Variants in ZFYVE9 observed in about 807,000 individuals in gnomAD.
ZFYVE9 encodes the protein zinc finger FYVE domain-containing protein 9.
ZFYVE9 carries 43 observed loss-of-function variants against 126.7 expected under a neutral mutation model. That is an observed-to-expected ratio of 0.34 (90% CI 0.27 to 0.44). The LOEUF (loss-of-function observed/expected upper bound fraction) is 0.44, where lower values mean the gene tolerates loss of function less well. Among genes scored for constraint, ZFYVE9 ranks in the 20% least tolerant of loss-of-function variants. The probability of loss-of-function intolerance (pLI) is 1.00; values close to 1 mark genes in which losing one functional copy is unlikely to be tolerated. For synonymous variants in ZFYVE9, 521 were observed against 597.4 expected (o/e 0.87, Z 1.87); for missense variants, 1,476 against 1,697.0 (o/e 0.87, Z 2.29).
intron 1 of ZFYVE9, among the ~76,000 whole-genome samples, chr1:52,147,366 A>G (rs1644314881): frequency 6.6e-6 from 1 of 152,160 alleles, no homozygotes; most frequent in South Asian, 2.1e-4. Context: ...AATCACTCCA[A>G]AGAGAAACTT....
intron 11 of ZFYVE9, among the ~76,000 whole-genome samples, chr1:52,295,072 G>A (rs1460269857): frequency 6.6e-6 from 1 of 152,162 alleles, no homozygotes; most frequent in Non-Finnish European, 1.5e-5. Flanking sequence ...GCTGGGTATG[G>A]TGGCGCATGC....
intron 16 of ZFYVE9, 62 bp downstream of exon 16, chr1:52,337,996 C>T (rs921862358): frequency 6.5e-7 from 1 of 1,544,412 alleles, no homozygotes; most frequent in African/African-American, 1.4e-5. Flanking sequence ...TGGGTTTTGT[C>T]TGCTGTCTAC....
chr1:52,345,058 C>A, intron 18 of ZFYVE9, 114 bp downstream of exon 18: 1 of 1,166,164 alleles, frequency 8.6e-7, no homozygotes, highest in Non-Finnish European at 1.2e-6. Flanking sequence ...TCTGGCCTGA[C>A]TGGATATAGT....
At chr1:52,296,967 C>T (rs72895950) in intron 12 of ZFYVE9, among the ~76,000 whole-genome samples, 1,853 of 152,260 alleles carry the variant, frequency 0.012, 25 homozygotes, top group African/African-American at 0.04. Flanking sequence ...CTACCACACC[C>T]AGCTAATTTT....
intron 1 of ZFYVE9, among the ~76,000 whole-genome samples, chr1:52,148,281 C>G (rs979132960): frequency 6.6e-6 from 1 of 151,850 alleles, no homozygotes; most frequent in African/African-American, 2.4e-5. Context: ...TCGAGACCAG[C>G]CTGGCCAATA....
At chr1:52,292,469 C>CTTTTT (rs1159852399) in intron 10 of ZFYVE9, among the ~76,000 whole-genome samples, 199 of 101,882 alleles carry the variant, frequency 2.0e-3, no homozygotes, top group Non-Finnish European at 2.6e-3. Context: ...CTGAACATTT[C>CTTTTT]TTTTTTTTTT....
intron 1 of ZFYVE9, among the ~76,000 whole-genome samples, chr1:52,161,490 T>C (rs2764561): frequency 0.97 from 147,737 of 152,242 alleles, 71,698 homozygotes; most frequent in East Asian, 1. Context: ...AGGGTTTTGC[T>C]ATGTTGCCCA....
At chr1:52,276,558 A>G (rs1569651152) in intron 8 of ZFYVE9, among the ~76,000 whole-genome samples, 1 of 152,224 alleles carries the variant, frequency 6.6e-6, no homozygotes, top group South Asian at 2.1e-4. Context: ...GTTAGATATC[A>G]TACCTGTAAG....
At chr1:52,344,578 C>G (rs1412762335) in intron 17 of ZFYVE9, among the ~76,000 whole-genome samples, 190 bp from the exon 18 acceptor site, 1 of 151,928 alleles carries the variant, frequency 6.6e-6, no homozygotes. Context: ...GATGGAGAGA[C>G]AGGGATTGTT....
chr1:52,311,831 C>T (rs1220390586), intron 13 of ZFYVE9, among the ~76,000 whole-genome samples: 1 of 151,874 alleles, frequency 6.6e-6, no homozygotes, highest in African/African-American at 2.4e-5. Flanking sequence ...CACTCCATCG[C>T]CCAGGCTGGA....
chr1:52,331,772 TC>T (rs1646343439), intron 13 of ZFYVE9, among the ~76,000 whole-genome samples: 2 of 143,306 alleles, frequency 1.4e-5, no homozygotes, highest in Admixed American at 1.4e-4. Context: ...GGTGTCAAAC[TC>T]TTTTTTTTTT....
At chr1:52,293,799 T>A (rs1645948094) in intron 11 of ZFYVE9, 122 bp downstream of exon 11, 3 of 966,986 alleles carry the variant, frequency 3.1e-6, no homozygotes, top group Admixed American at 2.7e-5. Context: ...TAAACTAAAT[T>A]TGGCCAGTGT....
intron 4 of ZFYVE9, chr1:52,254,256 T>C (rs1403919645): frequency 4.1e-6 from 1 of 241,290 alleles, no homozygotes; most frequent in Non-Finnish European, 8.1e-6. Flanking sequence ...CAGTTACCTT[T>C]ATTGAAAAAA....
At chr1:52,263,180 G>A (rs1007663464) in intron 4 of ZFYVE9, among the ~76,000 whole-genome samples, 5 of 151,878 alleles carry the variant, frequency 3.3e-5, no homozygotes, top group Admixed American at 2.6e-4. Flanking sequence ...CAGGAACCAA[G>A]CCCAGAAGGT....
intron 7 of ZFYVE9, among the ~76,000 whole-genome samples, chr1:52,274,082 G>A (rs914426075): frequency 6.6e-6 from 1 of 152,012 alleles, no homozygotes; most frequent in Non-Finnish European, 1.5e-5. Context: ...TAGTTCCCAA[G>A]GTATTAAAGA....
At chr1:52,307,629 A>G (rs1395770377) in intron 13 of ZFYVE9, among the ~76,000 whole-genome samples, 1 of 152,086 alleles carries the variant, frequency 6.6e-6, no homozygotes, top group African/African-American at 2.4e-5. Context: ...GCCTCCGTTT[A>G]TGGTGTGCAG....
At chr1:52,340,768 G>T (rs7540119) in intron 17 of ZFYVE9, among the ~76,000 whole-genome samples, 1 of 151,876 alleles carries the variant, frequency 6.6e-6, no homozygotes, top group Admixed American at 6.6e-5. Context: ...AGGCATGGTG[G>T]TGCACACCTG....
At chr1:52,299,055 G>A (rs562731313) in intron 12 of ZFYVE9, among the ~76,000 whole-genome samples, 12 of 152,114 alleles carry the variant, frequency 7.9e-5, no homozygotes, top group Admixed American at 3.3e-4. Context: ...TGATCCGCCC[G>A]CCTCTGCCTC....
At chr1:52,184,325 A>G (rs988922218) in intron 1 of ZFYVE9, among the ~76,000 whole-genome samples, 1 of 148,424 alleles carries the variant, frequency 6.7e-6, no homozygotes, top group African/African-American at 2.5e-5. Flanking sequence ...CCTGGGTTCA[A>G]GTGATTCTTC....
Sources: gnomAD v4.1 joint callset for allele counts (sites outside exome capture counted in the v4.1 genomes callset) on GRCh38, gnomAD v4.1.1 for gene constraint, MANE v1.5 for transcripts, NCBI Gene and HGNC (gene_info 2026-07-23, HGNC 2026-07-21) for gene names.